Variants in NEB observed in about 807,000 individuals in gnomAD.
The protein encoded by NEB is nemaline myopathy type 2.
In NEB, 512 loss-of-function variants were observed where a neutral mutation model predicts 952.2. That is an observed-to-expected ratio of 0.54 (90% CI 0.50 to 0.58). The LOEUF is 0.58. NEB is among the 20% of genes least tolerant of loss of function. NEB has a pLI of 0.00. For synonymous variants in NEB, 2,900 were observed against 3,149.8 expected, an observed-to-expected ratio of 0.92 and a Z score of 2.66; for missense variants, 8,428 against 9,231.1, an observed-to-expected ratio of 0.91 and a Z score of 3.56.
intron 64 of NEB, among the ~76,000 whole-genome samples, chr2:151,635,834 T>C (rs1354374611): frequency 6.6e-6 from 1 of 152,192 alleles, no homozygotes; most frequent in Non-Finnish European, 1.5e-5. Flanking sequence ...ATACTATCTA[T>C]TCAAATGTTA....
intron 37 of NEB, chr2:151,671,451 C>A: frequency 2.2e-6 from 1 of 462,220 alleles, no homozygotes. Flanking sequence ...CACATATTTT[C>A]ATGGGTACTG....
chr2:151,562,690 T>G lies in NEB; in HGVS notation c.18812A>C (p.His6271Pro). The change falls in exon 120 of 182, where the codon CAC (histidine) becomes CCC (proline). Residue 6271 changes from histidine (H) to proline (P), a missense_variant. His to Pro is a moderately conservative substitution (Grantham distance 77). Around this residue, in one of 11 missense-constraint regions of NEB, gnomAD observed 3,374 missense variants for 3,651.5 expected, o/e 0.92. Transcript: ENST00000397345. ...QYILSDLEYR[H>P]YFHQWTSLLE... ...AAGAGACGTCCACTGGTGGAAATAG[T>G]GTCGATACTCCAGGTCACTGAGGAT... is the stretch of plus-strand genomic sequence containing the variant. 6.2e-7 allele frequency: 1 copy of G among 1,606,156 alleles called. No individual in the cohort carries two copies. The highest frequency in any genetic ancestry group is 8.5e-7 in the Non-Finnish European group (1 of 1,174,704).
chr2:151,696,411 C>T (rs2099596475), intron 17 of NEB, among the ~76,000 whole-genome samples: 1 of 152,158 alleles, frequency 6.6e-6, no homozygotes. Flanking sequence ...CATGTTCTTT[C>T]CATTGCTTTA....
At chr2:151,548,909 G>C (rs190584571) in intron 130 of NEB, among the ~76,000 whole-genome samples, 3 of 152,306 alleles carry the variant, frequency 2.0e-5, no homozygotes, top group Admixed American at 6.5e-5. Context: ...TTGATTCCCA[G>C]GAATATGAAG....
chr2:151,640,230 C>A lies in NEB; in HGVS notation c.8685+125G>T. The A allele has an allele frequency of 2.7e-6, 4 of 1,486,088 alleles. No individual in the cohort carries two copies. In the Admixed American group the frequency reaches 6.0e-5, roughly 22 times the overall value. The allele number at this position is 1,486,088 out of a possible 1,614,324, so 92.1% of individuals were successfully genotyped here. A position where few individuals can be genotyped will look rare whatever the true frequency, so the allele number is the denominator to read the frequency against. ...AGGGTTAAAGGATTAAAATTCCTGTCGATAAAGGCAATGCTATTTGCCTCC... is the reference window on the plus strand; with the variant it reads ...AGGGTTAAAGGATTAAAATTCCTGTAGATAAAGGCAATGCTATTTGCCTCC... On this transcript the variant is annotated intron_variant, in intron 61 of 181. Transcript: ENST00000397345.
In NEB at chr2:151,563,606, CG is replaced by C. The variant is rs778541599; in HGVS notation, c.18692del (p.Ala6231GlyfsTer2). The part of the protein sequence containing the change: ...HCLDFQKMRS[A>X]LNYRKHYEDT... ...CGTGTTAAAGTGGACATTTACTTAC[CG>C]CACTCCTCATCTTTTGGAAATCCAG... On this transcript the variant is annotated frameshift_variant and splice_region_variant, in exon 119 of 182. Coordinates refer to ENST00000397345, the MANE Select transcript of NEB (RefSeq NM_001164508.2). LOFTEE classifies it high-confidence loss of function. 1 of 1,611,490 alleles carries C rather than the reference CG, an allele frequency of 6.2e-7. No homozygotes were observed. The highest frequency in any genetic ancestry group is 1.6e-4 in the Middle Eastern group (1 of 6,076).
At position 151,646,890 on chromosome 2, in the gene NEB, C is replaced by A. The variant is rs555092927; in HGVS notation, c.7432-656G>T. ...GCCTTGAACTCCCCACCTCAGCCTC[C>A]CAAAGTGCTGGGATTACAGGTGTGA... On this transcript the variant is annotated intron_variant, in intron 54 of 181. Coordinates refer to ENST00000397345, the MANE Select transcript of NEB (RefSeq NM_001164508.2). Among the ~76,000 whole-genome samples, 201 of 152,242 alleles carry A rather than the reference C, an allele frequency of 1.3e-3. 1 individual carries two copies. The highest frequency in any genetic ancestry group is 4.4e-3 in the African/African-American group (182 of 41,550).
intron 52 of NEB, among the ~76,000 whole-genome samples, chr2:151,652,319 A>G (rs74357123): frequency 0.035 from 5,276 of 152,034 alleles, 261 homozygotes; most frequent in East Asian, 0.14. Context: ...TCAGCCTTCC[A>G]AGCTCAAGTG....
At position 151,706,947 on chromosome 2, in the gene NEB, A is replaced by G. The variant is rs780565107; in HGVS notation, c.1086T>C (p.Asn362=). ...YEKNKGKADY[N]VLPASENPQL... is the part of the protein sequence containing the mutation. ...GTGGGTTCTCTGAAGCAGGAAGCAC[A>G]TTATAATCTGCTTTTCCTTTATTCT... Residue 362 remains asparagine, a synonymous_variant, in exon 13 of 182, where the codon AAT becomes AAC. Transcript: ENST00000397345. 35 of 1,604,012 alleles carry G rather than the reference A, an allele frequency of 2.2e-5. No individual in the cohort carries two copies. The highest frequency in any genetic ancestry group is 2.7e-5 in the African/African-American group (2 of 74,900).
At chr2:151,494,030 G>A (rs2058506754) in intron 174 of NEB, 131 bp downstream of exon 174, 1 of 914,534 alleles carries the variant, frequency 1.1e-6, no homozygotes, top group Non-Finnish European at 1.7e-6. Context: ...TAAATGTAGT[G>A]TGATATTTAG....
intron 181 of NEB, among the ~76,000 whole-genome samples, chr2:151,488,712 A>G (rs2053431985): frequency 1.3e-5 from 2 of 152,104 alleles, no homozygotes; most frequent in Admixed American, 1.3e-4. Flanking sequence ...TTACATCTAA[A>G]TCTTTGGTAC....
At chr2:151,569,219 T>C in intron 110 of NEB, 49 bp downstream of exon 110, 1 of 1,476,890 alleles carries the variant, frequency 6.8e-7, no homozygotes, top group Non-Finnish European at 9.5e-7. Flanking sequence ...GTGCATTTTG[T>C]CACTTTCTTG....
rs549231016 is a variant in NEB, at chr2:151,684,780, C to A, written c.2833G>T (p.Asp945Tyr). ...CTACAGAAACCCTGGTTACTCACAT[C>A]GCTCTGCAGCGCATATGCCTTCTTG... ...LAKKAYALQSDVEYKADYNSW... is the reference protein window; with the variant it reads ...LAKKAYALQSYVEYKADYNSW... The change falls in exon 28 of 182, where the codon GAT becomes TAT. Residue 945 changes from aspartate to tyrosine, a missense_variant and splice_region_variant. Transcript: ENST00000397345. The A allele has an allele frequency of 4.5e-6, 7 of 1,572,348 alleles. No individual in the cohort carries two copies. In the East Asian group the frequency reaches 1.1e-4, roughly 25 times the overall value.
At chr2:151,607,138 G>A (rs1318877500) in intron 83 of NEB, among the ~76,000 whole-genome samples, 1 of 103,224 alleles carries the variant, frequency 9.7e-6, no homozygotes, top group African/African-American at 2.6e-5. Context: ...TACCTAGCCC[G>A]CCATCTGGAT....
rs1340903200 is a variant in NEB, at chr2:151,553,979, A to G, written c.19475T>C (p.Ile6492Thr). 1 of 1,613,730 alleles carries G rather than the reference A, an allele frequency of 6.2e-7. No individual in the cohort carries two copies. Among genetic ancestry groups the G allele is most frequent in the Non-Finnish European group, 8.5e-7 (1 of 1,179,802 alleles). Residue 6492 changes from isoleucine to threonine, a missense_variant, in exon 126 of 182, where the codon ATC becomes ACC. Physicochemically the swap from Ile to Thr is moderately conservative, Grantham distance 89 (BLOSUM62 -1). This residue lies in a region of NEB where 3,374 missense variants were observed against 3,651.5 expected (regional missense o/e 0.92). Coordinates refer to ENST00000397345, the MANE Select transcript of NEB (RefSeq NM_001164508.2). ...VYEKNKMKIH[I>T]VPDMVEMVTA... ...AACCATCTCTACCATGTCGGGCACG[A>G]TGTGGATTTTCATCTTGTTCTTTTC...
chr2:151,672,197 A>C (rs1336288320), intron 37 of NEB, among the ~76,000 whole-genome samples, 172 bp downstream of exon 37: 3 of 152,224 alleles, frequency 2.0e-5, no homozygotes, highest in Non-Finnish European at 4.4e-5. Context: ...ATAAGCACAG[A>C]AAGCAGGCAA....
At chr2:151,726,013 G>T (rs548491697) in intron 5 of NEB, among the ~76,000 whole-genome samples, 20 of 152,284 alleles carry the variant, frequency 1.3e-4, no homozygotes, top group South Asian at 1.0e-3. Context: ...TGGCAGATCT[G>T]AATTATATTC....
At chr2:151,498,206 A>T in intron 170 of NEB, 54 bp downstream of exon 170, 1 of 1,549,464 alleles carries the variant, frequency 6.5e-7, no homozygotes, top group Non-Finnish European at 8.7e-7. Flanking sequence ...AAATGTAAAG[A>T]TCAGTTTAAT....
Position 151,640,678 on chromosome 2 carries a change from A to G in NEB, c.8374-12T>C. On this transcript the variant is annotated splice_polypyrimidine_tract_variant and intron_variant, in intron 60 of 181. Coordinates refer to ENST00000397345, the MANE Select transcript of NEB (RefSeq NM_001164508.2). ...TCTTTGTACTTGAACTAAAAGAAGA[A>G]AAAGACAGATAGTCATCTGTTTTAA... The G allele has an allele frequency of 6.2e-7, 1 of 1,602,932 alleles. No individual in the cohort carries two copies. Among genetic ancestry groups the G allele is most frequent in the Non-Finnish European group, 8.5e-7 (1 of 1,172,156 alleles).
Sources: gnomAD v4.1 joint callset for allele counts (sites outside exome capture counted in the v4.1 genomes callset) on GRCh38, gnomAD v4.1.1 for gene constraint, gnomAD v4.1.1 regional missense constraint, MANE v1.5 for transcripts, NCBI Gene and HGNC (gene_info 2026-07-23, HGNC 2026-07-21) for gene names.